The following TTC27 variants were observed in gnomAD, a reference collection of about 807,000 sequenced individuals.
The protein encoded by TTC27 is tetratricopeptide repeat protein 27.
In TTC27, 79 loss-of-function variants were observed where a neutral mutation model predicts 115.9. That is an observed-to-expected ratio of 0.68 (90% CI 0.57 to 0.82). The LOEUF is 0.82. TTC27 is among the 40% of genes least tolerant of loss of function. The pLI, the probability that TTC27 is intolerant of heterozygous loss-of-function variation, is 0.00. For synonymous variants in TTC27, 401 were observed against 356.0 expected, an observed-to-expected ratio of 1.13 and a Z score of -1.42; for missense variants, 1,054 against 993.1, an observed-to-expected ratio of 1.06 and a Z score of -0.82.
At chr2:32,728,241 CCCTGTTAG>C (rs1668176438) in intron 10 of TTC27, among the ~76,000 whole-genome samples, 1 of 151,976 alleles carries the variant, frequency 6.6e-6, no homozygotes, top group South Asian at 2.1e-4. Flanking sequence ...CAGGGCTTCA[CCCTGTTAG>C]CCAGGATGGT....
intron 9 of TTC27, among the ~76,000 whole-genome samples, chr2:32,682,863 T>TTC (rs1666489593): frequency 8.0e-6 from 1 of 124,762 alleles, no homozygotes; most frequent in Admixed American, 8.2e-5. Flanking sequence ...TTTTTTTTTT[T>TTC]TTTTTTTGAG....
intron 6 of TTC27, 42 bp downstream of exon 6, chr2:32,664,509 A>T: frequency 6.5e-7 from 1 of 1,536,832 alleles, no homozygotes; most frequent in South Asian, 1.2e-5. Context: ...TATTTTTATG[A>T]TAAAACTATA....
intron 10 of TTC27, among the ~76,000 whole-genome samples, chr2:32,710,084 C>T (rs1667523750): frequency 6.6e-6 from 1 of 152,070 alleles, no homozygotes; most frequent in Non-Finnish European, 1.5e-5. Context: ...GGCATGATCT[C>T]GGCTCACTGA....
chr2:32,687,854 A>T (rs530442237), intron 9 of TTC27, among the ~76,000 whole-genome samples: 2 of 152,338 alleles, frequency 1.3e-5, no homozygotes, highest in Admixed American at 1.3e-4. Flanking sequence ...TCACAATCAT[A>T]GTTGAATATT....
chr2:32,675,076 G>A (rs982306548), intron 8 of TTC27, among the ~76,000 whole-genome samples: 2 of 152,162 alleles, frequency 1.3e-5, no homozygotes, highest in African/African-American at 4.8e-5. Context: ...TATGTGGTAG[G>A]CATTATACCA....
At chr2:32,711,389 G>A (rs1220822060) in intron 10 of TTC27, among the ~76,000 whole-genome samples, 2 of 152,198 alleles carry the variant, frequency 1.3e-5, no homozygotes, top group East Asian at 3.9e-4. Context: ...GTGACAGGAT[G>A]AATGCACAAT....
intron 9 of TTC27, among the ~76,000 whole-genome samples, chr2:32,679,705 G>C (rs756886611): frequency 9.9e-5 from 15 of 152,148 alleles, no homozygotes; most frequent in Admixed American, 2.6e-4. Context: ...AGAAAAGCTA[G>C]ATTGTGGTTG....
intron 19 of TTC27, among the ~76,000 whole-genome samples, chr2:32,818,342 T>A (rs1448761862): frequency 6.6e-6 from 1 of 152,178 alleles, no homozygotes; most frequent in Non-Finnish European, 1.5e-5. Flanking sequence ...AGTAAAAAAA[T>A]TGACTTAGAT....
At chr2:32,802,166 A>G (rs1670970864) in intron 16 of TTC27, among the ~76,000 whole-genome samples, 1 of 152,178 alleles carries the variant, frequency 6.6e-6, no homozygotes, top group Non-Finnish European at 1.5e-5. Context: ...AGACTGTTAG[A>G]TTTAGTTTCC....
chr2:32,808,857 A>G (rs2148044603), intron 16 of TTC27, among the ~76,000 whole-genome samples: 1 of 152,324 alleles, frequency 6.6e-6, no homozygotes, highest in African/African-American at 2.4e-5. Flanking sequence ...ATCTTTTTCA[A>G]AACATGTTAA....
At chr2:32,814,797 A>T (rs1207223740) in intron 18 of TTC27, among the ~76,000 whole-genome samples, 4 of 152,236 alleles carry the variant, frequency 2.6e-5, no homozygotes, top group Admixed American at 6.5e-5. Context: ...AGCTAGGTGC[A>T]TAGTAGGCTA....
chr2:32,809,811 A>G (rs1160171715), intron 16 of TTC27, among the ~76,000 whole-genome samples: 3 of 152,172 alleles, frequency 2.0e-5, no homozygotes, highest in African/African-American at 7.2e-5. Flanking sequence ...AGGCTGACTG[A>G]TGATAATAAG....
At chr2:32,700,758 T>C (rs1667157789) in intron 9 of TTC27, among the ~76,000 whole-genome samples, 2 of 152,196 alleles carry the variant, frequency 1.3e-5, no homozygotes, top group South Asian at 4.1e-4. Context: ...CAGGTTGGTC[T>C]CGAACTCCTG....
At chr2:32,730,780 C>T (rs1668267818) in intron 10 of TTC27, among the ~76,000 whole-genome samples, 1 of 151,934 alleles carries the variant, frequency 6.6e-6, no homozygotes, top group African/African-American at 2.4e-5. Flanking sequence ...CGCCACCACA[C>T]CCGGCTGATT....
At chr2:32,729,861 C>T (rs752925979) in intron 10 of TTC27, among the ~76,000 whole-genome samples, 5 of 152,138 alleles carry the variant, frequency 3.3e-5, no homozygotes, top group African/African-American at 4.8e-5. Flanking sequence ...TTAAAGACCA[C>T]CTCCTCATAC....
chr2:32,712,870 T>A (rs1304388900), intron 10 of TTC27, among the ~76,000 whole-genome samples: 1 of 152,226 alleles, frequency 6.6e-6, no homozygotes, highest in East Asian at 1.9e-4. Flanking sequence ...TTCAACATTT[T>A]ATCAGAAGAT....
chr2:32,695,148 T>C (rs923998345), intron 9 of TTC27, among the ~76,000 whole-genome samples: 4 of 152,194 alleles, frequency 2.6e-5, no homozygotes, highest in Non-Finnish European at 5.9e-5. Context: ...TGCAGAACTT[T>C]TTCAGCTTTC....
At chr2:32,694,079 A>T (rs944914181) in intron 9 of TTC27, among the ~76,000 whole-genome samples, 1 of 152,194 alleles carries the variant, frequency 6.6e-6, no homozygotes. Flanking sequence ...CAAGAGGCTA[A>T]CTCTCTAGTC....
intron 12 of TTC27, 48 bp from the exon 13 acceptor site, chr2:32,758,244 T>G: frequency 6.7e-7 from 1 of 1,486,830 alleles, no homozygotes; most frequent in Non-Finnish European, 9.2e-7. Flanking sequence ...AAAAAAAAAA[T>G]AGCAGTTAAT....
Sources: allele counts gnomAD v4.1 joint callset (sites outside exome capture counted in the v4.1 genomes callset), GRCh38; gene constraint gnomAD v4.1.1; transcripts MANE v1.5; gene names NCBI Gene and HGNC (gene_info 2026-07-23, HGNC 2026-07-21).